Variants in MCOLN2 observed in about 807,000 individuals in gnomAD.
MCOLN2 encodes mucolipin-2.
Under a neutral mutation model 67.5 loss-of-function variants are expected in MCOLN2, and 57 were observed. That is an observed-to-expected ratio of 0.84 (90% CI 0.68 to 1.05). The LOEUF is 1.05. MCOLN2 is among the 50% of genes least tolerant of loss of function. The pLI, the probability that MCOLN2 is intolerant of heterozygous loss-of-function variation, is 0.00. For synonymous variants in MCOLN2, 246 were observed against 233.3 expected (o/e 1.05, Z -0.50); for missense variants, 620 against 678.8 (o/e 0.91, Z 0.96).
At chr1:84,987,556 C>T (rs561915557) in intron 1 of MCOLN2, among the ~76,000 whole-genome samples, 3 of 63,524 alleles carry the variant, frequency 4.7e-5, no homozygotes, top group Admixed American at 1.9e-4. Context: ...ATGTATACAT[C>T]TATGTATACA....
intron 11 of MCOLN2, among the ~76,000 whole-genome samples, chr1:84,936,607 G>A (rs887898092): frequency 6.6e-6 from 1 of 152,112 alleles, no homozygotes; most frequent in Admixed American, 6.5e-5. Flanking sequence ...CCAACCCAGA[G>A]GTTGTCACTT....
rs1647652601 is a variant in MCOLN2 at position 84,939,839 on chromosome 1, T to C, written c.961-137A>G. 8 of 802,520 alleles carry C rather than the reference T, an allele frequency of 1.0e-5. No homozygotes were observed. The South Asian group carries it at 1.1e-4, about 11-fold the overall frequency. 49.7% of individuals were successfully genotyped at this position (802,520 alleles called of 1,614,324 possible). A position where few individuals can be genotyped will look rare whatever the true frequency, so the allele number is the denominator to read the frequency against. On this transcript the variant is annotated intron_variant, in intron 8 of 13. Transcript: ENST00000370608. ...CAATTTGCCAGATCCACCTCGAAAG[T>C]GGAGGTTACGGCACACACTTTCCCC...
chr1:84,928,451 A>T (rs1283200745), intron 13 of MCOLN2, among the ~76,000 whole-genome samples: 1 of 152,138 alleles, frequency 6.6e-6, no homozygotes, highest in Non-Finnish European at 1.5e-5. Flanking sequence ...AACATTTAAC[A>T]ACCTCCCAGG....
At chr1:84,965,482 A>C in intron 2 of MCOLN2, 67 bp downstream of exon 2, 4 of 1,534,822 alleles carry the variant, frequency 2.6e-6, no homozygotes, top group Non-Finnish European at 3.5e-6. Context: ...AGTCAAGTAC[A>C]GAACACATGA....
At chr1:84,968,884 G>A (rs1423594329) in intron 1 of MCOLN2, among the ~76,000 whole-genome samples, 1 of 152,258 alleles carries the variant, frequency 6.6e-6, no homozygotes, top group African/African-American at 2.4e-5. Flanking sequence ...GCTGCACAGA[G>A]AGGCCAGAAG....
In MCOLN2 at chr1:84,956,513, T is replaced by C. The variant is rs1557646306; in HGVS notation, c.483A>G (p.Leu161=). ...YGENEDNRIG[L]KVCKQHYKKG... is the part of the protein sequence containing the mutation. ...TCTTGTAATGCTGCTTACAGACTTT[T>C]AAGCCAATTCTATTGTCTTCATTTT... Residue 161 remains leucine (L), a synonymous_variant, in exon 4 of 14, where the codon TTA becomes TTG. Transcript: ENST00000370608. 1 of 1,612,786 alleles carries C rather than the reference T, an allele frequency of 6.2e-7. No individual in the cohort carries two copies. The highest frequency in any genetic ancestry group is 8.5e-7 in the Non-Finnish European group (1 of 1,179,484).
intron 7 of MCOLN2, among the ~76,000 whole-genome samples, chr1:84,943,279 T>C (rs1647897911): frequency 6.6e-6 from 1 of 152,138 alleles, no homozygotes; most frequent in Admixed American, 6.5e-5. Context: ...CCAAGAATGA[T>C]TCCTGGTTCC....
intron 11 of MCOLN2, among the ~76,000 whole-genome samples, chr1:84,932,078 T>A (rs1252262157): frequency 6.6e-6 from 1 of 151,946 alleles, no homozygotes; most frequent in Non-Finnish European, 1.5e-5. Context: ...AAAGTTAATC[T>A]CTTAACAATT....
intron 7 of MCOLN2, among the ~76,000 whole-genome samples, chr1:84,944,925 T>C (rs749821976): frequency 2.6e-5 from 4 of 152,192 alleles, no homozygotes; most frequent in Non-Finnish European, 2.9e-5. Flanking sequence ...CAGCTTCATA[T>C]AGGGGAAAAA....
chr1:84,965,231 T>C (rs1466673949), intron 2 of MCOLN2, among the ~76,000 whole-genome samples: 1 of 152,214 alleles, frequency 6.6e-6, no homozygotes, highest in Non-Finnish European at 1.5e-5. Flanking sequence ...TTTGGAAGTA[T>C]ATTTGAATAA....
chr1:84,926,870 G>T (rs775240411), intron 13 of MCOLN2, 149 bp from the exon 14 acceptor site: 6 of 457,076 alleles, frequency 1.3e-5, no homozygotes, highest in Admixed American at 4.2e-5. Context: ...GACAGGCAAG[G>T]TATTCTGATT....
rs1290679424 is a variant in MCOLN2 at position 84,964,527 on chromosome 1, G to GC, written c.237+1021_237+1022insG. Among the ~76,000 whole-genome samples, 4 of 85,266 alleles carry GC rather than the reference G, an allele frequency of 4.7e-5. No homozygotes were observed. The East Asian group carries it at 2.5e-3, about 53-fold the overall frequency. 55.9% of individuals were successfully genotyped at this position (85,266 alleles called of 152,430 possible). A position where few individuals can be genotyped will look rare whatever the true frequency, so the allele number is the denominator to read the frequency against. On this transcript the variant is annotated intron_variant, in intron 2 of 13. Transcript: ENST00000370608. The stretch of plus-strand genomic sequence containing the variant: ...CCAGGGACTGGAGTGGGGCAGGAGT[G>GC]GGGGGGGGTGGGTAATGGTTTCAGG...
At chr1:84,969,465 G>C (rs185674146) in intron 1 of MCOLN2, among the ~76,000 whole-genome samples, 1 of 151,870 alleles carries the variant, frequency 6.6e-6, no homozygotes, top group Non-Finnish European at 1.5e-5. Context: ...CAGCTACTTC[G>C]GAGGCTGAGG....
intron 1 of MCOLN2, among the ~76,000 whole-genome samples, chr1:84,973,265 C>A (rs576045478): frequency 1.3e-5 from 2 of 152,072 alleles, no homozygotes; most frequent in African/African-American, 4.8e-5. Flanking sequence ...TCACTTGAGG[C>A]CAAGAGTTCA....
In MCOLN2 at chr1:84,974,341, C is replaced by G. The variant is rs188939911; in HGVS notation, c.78-8633G>C. On this transcript the variant is annotated intron_variant, in intron 1 of 13. Transcript: ENST00000370608. Reference sequence around the variant, plus strand: ...AAGGAGTGGTGACATCACCTCTCCCCTAACCCCAGGCTGCACAACTAGTGG... The same window carrying G: ...AAGGAGTGGTGACATCACCTCTCCCGTAACCCCAGGCTGCACAACTAGTGG... 3.3e-3 allele frequency among the ~76,000 whole-genome samples: 500 copies of G among 151,970 alleles called. 3 individuals are homozygous for G. The highest frequency in any genetic ancestry group is 0.012 in the African/African-American group (478 of 41,470).
chr1:84,929,795 A>G (rs1661317561), intron 12 of MCOLN2, 116 bp from the exon 13 acceptor site: 1 of 923,050 alleles, frequency 1.1e-6, no homozygotes, highest in Non-Finnish European at 1.6e-6. Flanking sequence ...GCTAGCTCAG[A>G]TCCAAGAACT....
intron 13 of MCOLN2, among the ~76,000 whole-genome samples, chr1:84,927,443 T>G (rs1661219411): frequency 6.6e-6 from 1 of 152,244 alleles, no homozygotes; most frequent in Non-Finnish European, 1.5e-5. Context: ...GGAAGAGGTT[T>G]CAGAGGTCAT....
intron 1 of MCOLN2, among the ~76,000 whole-genome samples, chr1:84,987,899 A>T (rs1650698991): frequency 6.6e-6 from 1 of 151,922 alleles, no homozygotes. Context: ...GATACAATGG[A>T]CTTTGGCGAC....
At chr1:84,948,933 C>T (rs1648266796) in intron 6 of MCOLN2, among the ~76,000 whole-genome samples, 1 of 152,164 alleles carries the variant, frequency 6.6e-6, no homozygotes, top group African/African-American at 2.4e-5. Context: ...AGGTTGAGAC[C>T]AGCCTGGCCA....
Sources: gnomAD v4.1 joint callset for allele counts (sites outside exome capture counted in the v4.1 genomes callset) on GRCh38, gnomAD v4.1.1 for gene constraint, MANE v1.5 for transcripts, NCBI Gene and HGNC (gene_info 2026-07-23, HGNC 2026-07-21) for gene names.